IQCM: variants seen among roughly 807,000 people sequenced by gnomAD.
IQCM encodes IQ motif containing M.
A neutral mutation model predicts 57.6 loss-of-function variants in IQCM; 45 were observed. The ratio of observed to expected loss-of-function variants is 0.78; its 90% CI spans 0.62 to 1.00. The LOEUF is 1.00. Ranked by LOEUF, IQCM falls within the 50% of genes least tolerant of loss-of-function variation. IQCM has a pLI of 0.00. For synonymous variants in IQCM, 148 were observed against 158.9 expected, an observed-to-expected ratio of 0.93 and a Z score of 0.51; for missense variants, 468 against 511.6, an observed-to-expected ratio of 0.91 and a Z score of 0.82.
At chr4:149,434,091 T>A (rs1213964629) in intron 12 of IQCM, among the ~76,000 whole-genome samples, 1 of 152,104 alleles carries the variant, frequency 6.6e-6, no homozygotes, top group Non-Finnish European at 1.5e-5. Context: ...TCCTAGTGCT[T>A]TAAAATATTA....
At chr4:149,581,645 G>A (rs1298153646) in intron 9 of IQCM, among the ~76,000 whole-genome samples, 5 of 151,630 alleles carry the variant, frequency 3.3e-5, no homozygotes, top group African/African-American at 9.7e-5. Context: ...CTGACATGAC[G>A]GGTTTCATGA....
In IQCM at chr4:149,787,878, TCAACAAAGAGA is replaced by T. The variant is rs557608594; in HGVS notation, c.-49+27422_-49+27432del. Among the ~76,000 whole-genome samples the T allele has an allele frequency of 4.4e-3, 676 of 152,170 alleles. 6 individuals carry two copies. The highest frequency in any genetic ancestry group is 0.016 in the African/African-American group (644 of 41,514). ...AGCTTCTGCACAGCAAAGGAAGCAA[TCAACAAAGAGA>T]CAACTAGCTGAATGGAAGAAAATAT... On this transcript the variant is annotated intron_variant, in intron 2 of 13. Coordinates refer to ENST00000636793, the MANE Select transcript of IQCM (RefSeq NM_001363507.2).
intron 13 of IQCM, among the ~76,000 whole-genome samples, chr4:149,352,391 A>T (rs966562521): frequency 3.3e-5 from 5 of 152,232 alleles, no homozygotes; most frequent in Non-Finnish European, 5.9e-5. Flanking sequence ...AAAACTATTC[A>T]GAAAAAGAAA....
chr4:149,576,717 T>G (rs1304042796), intron 9 of IQCM, among the ~76,000 whole-genome samples: 1 of 151,940 alleles, frequency 6.6e-6, no homozygotes, highest in Non-Finnish European at 1.5e-5. Flanking sequence ...CATGTTTAAG[T>G]CTCTTCATGG....
rs1745287584 is a variant in IQCM, at chr4:149,518,921, A to G, written c.1228+29534T>C. Among the ~76,000 whole-genome samples the G allele has an allele frequency of 3.3e-5, 5 of 152,208 alleles. No individual in the cohort carries two copies. The South Asian group carries it at 1.0e-3, about 32-fold the overall frequency. ...AGTTCCTACACTTAGGGAAGAGGTA[A>G]AAAGGAAACAAAGAGAGAATATTAA... On this transcript the variant is annotated intron_variant, in intron 12 of 13. Coordinates refer to ENST00000636793, the MANE Select transcript of IQCM (RefSeq NM_001363507.2).
At chr4:149,790,154 T>A in intron 2 of IQCM, 1 of 527,396 alleles carries the variant, frequency 1.9e-6, no homozygotes, top group South Asian at 3.4e-5. Context: ...CTGTGAACAT[T>A]AGTTGAAAGA....
At chr4:149,388,825 C>G (rs1361538579) in intron 13 of IQCM, among the ~76,000 whole-genome samples, 1 of 147,956 alleles carries the variant, frequency 6.8e-6, no homozygotes, top group Non-Finnish European at 1.5e-5. Context: ...TCATTCTTTG[C>G]CTATTTTTAA....
intron 13 of IQCM, among the ~76,000 whole-genome samples, chr4:149,371,959 TA>T (rs534309956): frequency 2.0e-5 from 3 of 152,034 alleles, no homozygotes; most frequent in South Asian, 2.1e-4. Flanking sequence ...TCTCAAGCTT[TA>T]AAAAAAATTG....
Position 149,458,825 on chromosome 4 carries a change from C to T in IQCM, c.1229-25268G>A, listed in dbSNP as rs1450417792. ...TGCAAGCAGATATAATCTATAAAAA[C>T]TATTTAGTTTCCATTATCCTCTGTA... is the stretch of plus-strand genomic sequence containing the variant. On this transcript the variant is annotated intron_variant, in intron 12 of 13. Coordinates refer to ENST00000636793, the MANE Select transcript of IQCM (RefSeq NM_001363507.2). Among the ~76,000 whole-genome samples, 4 of 152,032 alleles carry T rather than the reference C, an allele frequency of 2.6e-5. No homozygotes were observed. In the South Asian group the frequency reaches 8.3e-4, roughly 32 times the overall value.
intron 4 of IQCM, 64 bp downstream of exon 4, chr4:149,735,312 G>T: frequency 4.2e-6 from 3 of 712,794 alleles, no homozygotes; most frequent in Non-Finnish European, 5.8e-6. Context: ...GCAATCCTTT[G>T]GGAGAATCCT....
intron 5 of IQCM, among the ~76,000 whole-genome samples, chr4:149,688,416 A>G (rs1187722253): frequency 6.6e-6 from 1 of 152,096 alleles, no homozygotes; most frequent in Non-Finnish European, 1.5e-5. Context: ...AGACCTCTAC[A>G]AGGAAAACTA....
chr4:149,748,565 A>G (rs1156406312), intron 2 of IQCM: 1 of 152,126 alleles, frequency 6.6e-6, no homozygotes, highest in Non-Finnish European at 1.5e-5. Flanking sequence ...AACTATTCTG[A>G]GCCATATTCA....
chr4:149,368,198 A>AG (rs1165508253), intron 13 of IQCM, among the ~76,000 whole-genome samples: 1 of 151,996 alleles, frequency 6.6e-6, no homozygotes, highest in Non-Finnish European at 1.5e-5. Context: ...AGCTCTCTAG[A>AG]TTGGCTTCCA....
chr4:149,533,980 A>G (rs1747020647), intron 12 of IQCM, among the ~76,000 whole-genome samples: 2 of 152,158 alleles, frequency 1.3e-5, no homozygotes, highest in African/African-American at 4.8e-5. Flanking sequence ...ATACAATGAA[A>G]AAGTCCAAGA....
intron 12 of IQCM, among the ~76,000 whole-genome samples, chr4:149,455,752 G>A (rs1479068583): frequency 6.6e-6 from 1 of 151,930 alleles, no homozygotes; most frequent in East Asian, 1.9e-4. Context: ...GAACACTTGA[G>A]GCCAGGAGTT....
chr4:149,477,400 G>C (rs947222266), intron 12 of IQCM, among the ~76,000 whole-genome samples: 8 of 152,116 alleles, frequency 5.3e-5, no homozygotes, highest in African/African-American at 1.9e-4. Flanking sequence ...AGCCTGTAAA[G>C]CAGAAATTCC....
At chr4:149,612,850 C>T (rs926266032) in intron 8 of IQCM, among the ~76,000 whole-genome samples, 1 of 151,884 alleles carries the variant, frequency 6.6e-6, no homozygotes, top group Non-Finnish European at 1.5e-5. Flanking sequence ...CATCAATACT[C>T]CTTACAGTAG....
intron 13 of IQCM, among the ~76,000 whole-genome samples, chr4:149,397,948 T>C (rs1578921064): frequency 1.3e-5 from 2 of 152,200 alleles, no homozygotes; most frequent in East Asian, 3.9e-4. Flanking sequence ...ATTTGTTTAT[T>C]TTTGTTGCTT....
rs530849145 is a variant in IQCM at position 149,390,418 on chromosome 4, CT to C, written c.1391-38353del. Among the ~76,000 whole-genome samples the C allele has an allele frequency of 3.7e-3, 534 of 143,740 alleles. 5 individuals carry two copies. The highest frequency in any genetic ancestry group is 0.016 in the South Asian group (73 of 4,576). 94.3% of individuals were successfully genotyped at this position (143,740 alleles called of 152,430 possible). On this transcript the variant is annotated intron_variant, in intron 13 of 13. Coordinates refer to ENST00000636793, the MANE Select transcript of IQCM (RefSeq NM_001363507.2). ...CCTTCTCCATCTGGATATCTAGATGCTTTTTTTTTTTCTAATTATCCTGGCT... is the reference window on the plus strand; with the variant it reads ...CCTTCTCCATCTGGATATCTAGATGCTTTTTTTTTTCTAATTATCCTGGCT...
Sources: gnomAD v4.1 joint callset for allele counts (sites outside exome capture counted in the v4.1 genomes callset) on GRCh38, gnomAD v4.1.1 for gene constraint, MANE v1.5 for transcripts, NCBI Gene and HGNC (gene_info 2026-07-23, HGNC 2026-07-21) for gene names.